FA2H: variants seen among roughly 807,000 people sequenced by gnomAD.
The protein encoded by FA2H is fatty acid 2-hydroxylase.
Under a neutral mutation model 44.9 loss-of-function variants are expected in FA2H, and 22 were observed. The observed-to-expected ratio is 0.49, with a 90% CI of 0.35 to 0.70. FA2H has a LOEUF of 0.70. Ranked by LOEUF, FA2H falls within the 30% of genes least tolerant of loss-of-function variation. The pLI, the probability that FA2H is intolerant of heterozygous loss-of-function variation, is 0.01. For synonymous variants in FA2H, 243 were observed against 213.2 expected, an observed-to-expected ratio of 1.14 and a Z score of -1.22; for missense variants, 501 against 504.9, an observed-to-expected ratio of 0.99 and a Z score of 0.07.
intron 1 of FA2H, among the ~76,000 whole-genome samples, chr16:74,760,545 A>C (rs543230061): frequency 1.3e-5 from 2 of 152,302 alleles, no homozygotes; most frequent in South Asian, 4.1e-4. Flanking sequence ...ATTGATCAGT[A>C]ACTGAGCGTG....
intron 1 of FA2H, among the ~76,000 whole-genome samples, chr16:74,751,584 T>G (rs1284299398): frequency 6.6e-6 from 1 of 151,990 alleles, no homozygotes; most frequent in Non-Finnish European, 1.5e-5. Flanking sequence ...GGTCAGTGCC[T>G]GCCTGACATG....
Position 74,713,786 on chromosome 16 carries a change from A to G in FA2H, c.*404T>C, listed in dbSNP as rs73614641. On this transcript the variant is annotated 3_prime_UTR_variant, in exon 7 of 7. Coordinates refer to ENST00000219368, the MANE Select transcript of FA2H (RefSeq NM_024306.5). Reference sequence around the variant, plus strand: ...CCACAGACCCACTTCTGACTGTGAAAGCGAGCTGTGCCGTGCAGGCAGCTC... The same window carrying G: ...CCACAGACCCACTTCTGACTGTGAAGGCGAGCTGTGCCGTGCAGGCAGCTC... 3.0e-5 allele frequency: 6 copies of G among 198,128 alleles called. No individual in the cohort carries two copies. In the East Asian group the frequency reaches 7.2e-4, roughly 24 times the overall value. 12.3% of individuals were successfully genotyped at this position (198,128 alleles called of 1,614,324 possible).
At chr16:74,719,542 A>G (rs927780727) in intron 4 of FA2H, among the ~76,000 whole-genome samples, 2 of 152,032 alleles carry the variant, frequency 1.3e-5, no homozygotes, top group African/African-American at 4.8e-5. Context: ...GAGACAAGGT[A>G]TCTCTGTGTC....
At chr16:74,751,989 C>A (rs780004881) in intron 1 of FA2H, among the ~76,000 whole-genome samples, 4 of 152,206 alleles carry the variant, frequency 2.6e-5, no homozygotes, top group Non-Finnish European at 4.4e-5. Context: ...CAGTATTAAT[C>A]ATTTCCATAA....
chr16:74,768,376 T>G (rs1025637534), intron 1 of FA2H, among the ~76,000 whole-genome samples: 1 of 152,216 alleles, frequency 6.6e-6, no homozygotes, highest in Non-Finnish European at 1.5e-5. Context: ...ACCTGGGCCC[T>G]GGATGCCCCA....
intron 1 of FA2H, among the ~76,000 whole-genome samples, chr16:74,769,463 T>C (rs1962866116): frequency 6.6e-6 from 1 of 152,020 alleles, no homozygotes; most frequent in Admixed American, 6.6e-5. Flanking sequence ...CATGAGTACA[T>C]GGAAAAATAA....
chr16:74,735,702 G>A (rs771016200), intron 2 of FA2H, among the ~76,000 whole-genome samples: 2 of 152,122 alleles, frequency 1.3e-5, no homozygotes, highest in African/African-American at 2.4e-5. Context: ...ATAATCCTAC[G>A]CAATAATAAG....
intron 1 of FA2H, among the ~76,000 whole-genome samples, chr16:74,746,008 T>C (rs1426867871): frequency 2.6e-5 from 4 of 152,084 alleles, no homozygotes; most frequent in Non-Finnish European, 5.9e-5. Context: ...GGTTTCACCG[T>C]GTTGCCCAGG....
chr16:74,739,081 C>T (rs1231503345), intron 2 of FA2H, among the ~76,000 whole-genome samples: 1 of 152,226 alleles, frequency 6.6e-6, no homozygotes, highest in Non-Finnish European at 1.5e-5. Flanking sequence ...TGTGGGGTCC[C>T]CACCCCACTC....
At chr16:74,726,825 G>T (rs1961968435) in intron 3 of FA2H, among the ~76,000 whole-genome samples, 1 of 152,184 alleles carries the variant, frequency 6.6e-6, no homozygotes, top group Non-Finnish European at 1.5e-5. Flanking sequence ...GAGGAGAGAG[G>T]CTGTGAGTCC....
chr16:74,718,960 G>T (rs1448288074), intron 5 of FA2H, 28 bp downstream of exon 5: 1 of 1,611,662 alleles, frequency 6.2e-7, no homozygotes, highest in Admixed American at 1.7e-5. Context: ...CACATGCTAG[G>T]TCCGGGCTGG....
At chr16:74,738,076 G>A (rs1019507911) in intron 2 of FA2H, among the ~76,000 whole-genome samples, 13 of 152,244 alleles carry the variant, frequency 8.5e-5, no homozygotes, top group African/African-American at 1.2e-4. Flanking sequence ...TTTCTGGGGC[G>A]CTGAAGGGGT....
Position 74,719,155 on chromosome 16 carries a change from T to G in FA2H, c.619A>C (p.Thr207Pro). 6.2e-7 allele frequency: 1 copy of G among 1,613,204 alleles called. No individual in the cohort carries two copies. Among genetic ancestry groups the G allele is most frequent in the South Asian group, 1.1e-5 (1 of 91,076 alleles). Residue 207 changes from threonine (T) to proline (P), a missense_variant, in exon 5 of 7, where the codon ACG becomes CCG. Transcript: ENST00000219368. ...AACATGGACTTGGGCACTGCCACCG[T>G]GTACTCTGCAGGGTGGCAGGGAGAG... is the stretch of plus-strand genomic sequence containing the variant. ...RLFTSFTTEY[T>P]VAVPKSMFPG...
intron 2 of FA2H, among the ~76,000 whole-genome samples, chr16:74,732,627 T>C (rs1052603910): frequency 2.5e-4 from 38 of 151,982 alleles, no homozygotes; most frequent in South Asian, 2.3e-3. Context: ...TTAGTAGAGA[T>C]GGGGTTTCAC....
intron 1 of FA2H, among the ~76,000 whole-genome samples, chr16:74,769,990 A>C (rs1311012850): frequency 6.6e-6 from 1 of 152,228 alleles, no homozygotes; most frequent in African/African-American, 2.4e-5. Context: ...CAGAGGGTGC[A>C]GCAAAGTGGG....
At chr16:74,737,666 T>C (rs1962208545) in intron 2 of FA2H, among the ~76,000 whole-genome samples, 1 of 152,200 alleles carries the variant, frequency 6.6e-6, no homozygotes, top group Non-Finnish European at 1.5e-5. Flanking sequence ...CTCCAGTCTT[T>C]GGCAGCAATC....
chr16:74,733,397 G>A (rs968237726), intron 2 of FA2H, among the ~76,000 whole-genome samples: 17 of 152,078 alleles, frequency 1.1e-4, no homozygotes, highest in Admixed American at 4.6e-4. Flanking sequence ...GAGGTCAAGC[G>A]GCTCTTGAGA....
chr16:74,716,280 C>G (rs928240974), intron 6 of FA2H, 67 bp downstream of exon 6: 5 of 1,576,156 alleles, frequency 3.2e-6, no homozygotes. Flanking sequence ...CCCAGGAGCT[C>G]GATGGTAGTT....
chr16:74,772,227 C>T lies in FA2H; in HGVS notation c.270+2259G>A, dbSNP rs374151568. ...TTTTACTATGTCAAGCTCTTCCTGCCAGAGCCTTCACACGTGCTGTTCCCT... is the reference window on the plus strand; with the variant it reads ...TTTTACTATGTCAAGCTCTTCCTGCTAGAGCCTTCACACGTGCTGTTCCCT... On this transcript the variant is annotated intron_variant, in intron 1 of 6. Transcript: ENST00000219368. 1.4e-4 allele frequency among the ~76,000 whole-genome samples: 22 copies of T among 152,294 alleles called. No homozygotes were observed. The East Asian group carries it at 2.9e-3, about 20-fold the overall frequency.
Sources: gnomAD v4.1 joint callset for allele counts (sites outside exome capture counted in the v4.1 genomes callset) on GRCh38, gnomAD v4.1.1 for gene constraint, MANE v1.5 for transcripts, NCBI Gene and HGNC (gene_info 2026-07-23, HGNC 2026-07-21) for gene names.